RNF144B: variants seen among roughly 807,000 people sequenced by gnomAD.
RNF144B encodes the protein ring finger protein 144B, also known as E3 ubiquitin-protein ligase RNF144B.
Under a neutral mutation model 40.2 loss-of-function variants are expected in RNF144B, and 25 were observed. That is an observed-to-expected ratio of 0.62 (90% CI 0.45 to 0.87). The LOEUF (loss-of-function observed/expected upper bound fraction) is 0.87. Ranked by LOEUF, RNF144B falls within the 40% of genes least tolerant of loss-of-function variation. The pLI is 0.00. For missense variants in RNF144B, 365 were observed against 373.7 expected (o/e 0.98, Z 0.19); for synonymous variants, 145 against 136.3 (o/e 1.06, Z -0.44).
chr6:18,405,985 A>C lies in RNF144B; in HGVS notation c.165+6286A>C, dbSNP rs1421896770. On this transcript the variant is annotated intron_variant, in intron 2 of 7. Transcript: ENST00000259939. This position sits in a 1 kb window ranked among gnomAD's most constrained non-coding sequence, Gnocchi z 4.5. ...CCCCACCCTCCTAATGAAAGAAGTC[A>C]TTTTCTGGGATGCCAGTATGGTTTG... 2.0e-6 allele frequency: 1 copy of C among 509,298 alleles called. No individual in the cohort carries two copies. Among genetic ancestry groups the C allele is most frequent in the African/African-American group, 1.9e-5 (1 of 51,490 alleles). The allele number at this position is 509,298 out of a possible 1,614,324, so 31.5% of individuals were successfully genotyped here. A position where few individuals can be genotyped will look rare whatever the true frequency, so the allele number is the denominator to read the frequency against.
Position 18,457,143 on chromosome 6 carries a change from T to C in RNF144B, c.332-12T>C. The C allele has an allele frequency of 6.2e-7, 1 of 1,603,066 alleles. No homozygotes were observed. The highest frequency in any genetic ancestry group is 8.5e-7 in the Non-Finnish European group (1 of 1,170,924). ...CGGGCAGACCATCACATTTTCTTTC[T>C]TTACACTTTAGAAGTTCATCTGGAC... On this transcript the variant is annotated splice_polypyrimidine_tract_variant and intron_variant, in intron 4 of 7. Transcript: ENST00000259939. This position sits in a 1 kb window ranked among gnomAD's most constrained non-coding sequence, Gnocchi z 5.1.
At position 18,410,102 on chromosome 6, in the gene RNF144B, C is replaced by T. The variant is rs762709338; in HGVS notation, c.165+10403C>T. 2.0e-5 allele frequency among the ~76,000 whole-genome samples: 3 copies of T among 152,178 alleles called. No homozygotes were observed. Among genetic ancestry groups the T allele is most frequent in the Non-Finnish European group, 1.5e-5 (1 of 68,046 alleles). On this transcript the variant is annotated intron_variant, in intron 2 of 7. Coordinates refer to ENST00000259939, the MANE Select transcript of RNF144B (RefSeq NM_182757.4). The surrounding 1 kb of genome is among the most constrained non-coding windows in gnomAD (Gnocchi z 4.6). Reference sequence around the variant, plus strand: ...CACATATCAGAATGTAATAGGCTGGCCAAACATGCAAATCATGACCAGAGA... The same window carrying T: ...CACATATCAGAATGTAATAGGCTGGTCAAACATGCAAATCATGACCAGAGA...
intron 2 of RNF144B, among the ~76,000 whole-genome samples, chr6:18,403,741 A>G (rs1472067656): frequency 6.6e-6 from 1 of 152,162 alleles, no homozygotes; most frequent in Admixed American, 6.5e-5. Flanking sequence ...AAAGAGGTTT[A>G]TTTAGCTCAC....
At chr6:18,409,467 C>T (rs1290121948) in intron 2 of RNF144B, among the ~76,000 whole-genome samples, 2 of 147,538 alleles carry the variant, frequency 1.4e-5, no homozygotes, top group African/African-American at 5.0e-5. Context: ...ATCTTACCTT[C>T]TTGCCATAGG....
rs1425062617 is a variant in RNF144B at position 18,422,477 on chromosome 6, G to A, written c.166-5104G>A. ...CAAAACAGGTACTCAAGACCTGTCTGGGCTTTGGCCTTTGGGCACATTCCC... is the reference window on the plus strand; with the variant it reads ...CAAAACAGGTACTCAAGACCTGTCTAGGCTTTGGCCTTTGGGCACATTCCC... On this transcript the variant is annotated intron_variant, in intron 2 of 7. Transcript: ENST00000259939. The surrounding 1 kb of genome is among the most constrained non-coding windows in gnomAD (Gnocchi z 4.7). Among the ~76,000 whole-genome samples, 1 of 152,148 alleles carries A rather than the reference G, an allele frequency of 6.6e-6. No individual in the cohort carries two copies.
intron 4 of RNF144B, among the ~76,000 whole-genome samples, chr6:18,452,003 C>G (rs1408672607): frequency 1.3e-5 from 2 of 152,084 alleles, no homozygotes; most frequent in East Asian, 3.9e-4. Flanking sequence ...GAAATCATAA[C>G]ATACTTTCAA....
Position 18,412,117 on chromosome 6 carries a change from A to G in RNF144B, c.165+12418A>G, listed in dbSNP as rs1289046457. Among the ~76,000 whole-genome samples, 2 of 152,220 alleles carry G rather than the reference A, an allele frequency of 1.3e-5. No homozygotes were observed. Among genetic ancestry groups the G allele is most frequent in the Non-Finnish European group, 2.9e-5 (2 of 68,050 alleles). ...ACCTGTCCTTAGGATAACTTTTTAG[A>G]AATAGAATTGCCTAACCAAAATAGA... On this transcript the variant is annotated intron_variant, in intron 2 of 7. Transcript: ENST00000259939. The surrounding 1 kb of genome is among the most constrained non-coding windows in gnomAD (Gnocchi z 4.2).
rs1466136111 is a variant in RNF144B at position 18,425,842 on chromosome 6, AT to A, written c.166-1736del. 1.3e-5 allele frequency among the ~76,000 whole-genome samples: 2 copies of A among 152,114 alleles called. No individual in the cohort carries two copies. The highest frequency in any genetic ancestry group is 6.6e-5 in the Admixed American group (1 of 15,252). ...TTTATTTCAGTGTTCTATTTTGGGT[AT>A]TTAGGTTATTTTCTAGTTTTTGCTG... On this transcript the variant is annotated intron_variant, in intron 2 of 7. Coordinates refer to ENST00000259939, the MANE Select transcript of RNF144B (RefSeq NM_182757.4). The surrounding 1 kb of genome is among the most constrained non-coding windows in gnomAD (Gnocchi z 4.2).
In RNF144B at chr6:18,441,744, A is replaced by T. The variant is rs1446134724; in HGVS notation, c.331+2000A>T. Among the ~76,000 whole-genome samples, 2 of 152,122 alleles carry T rather than the reference A, an allele frequency of 1.3e-5. No individual in the cohort carries two copies. The highest frequency in any genetic ancestry group is 2.9e-5 in the Non-Finnish European group (2 of 68,028). On this transcript the variant is annotated intron_variant, in intron 4 of 7. Coordinates refer to ENST00000259939, the MANE Select transcript of RNF144B (RefSeq NM_182757.4). The surrounding 1 kb of genome is among the most constrained non-coding windows in gnomAD (Gnocchi z 4.9). ...CTGTGTGACCATGGCAAGGTCCTTAATATTTCTGCATCTCAACTTCCTCAT... is the reference window on the plus strand; with the variant it reads ...CTGTGTGACCATGGCAAGGTCCTTATTATTTCTGCATCTCAACTTCCTCAT...
chr6:18,396,024 G>A (rs540356284), intron 1 of RNF144B, among the ~76,000 whole-genome samples: 28 of 152,064 alleles, frequency 1.8e-4, no homozygotes, highest in African/African-American at 6.5e-4. Flanking sequence ...TGGAATGCTT[G>A]GAATTTTTTA....
At chr6:18,399,369 C>T (rs964874023) in intron 1 of RNF144B, 130 bp from the exon 2 acceptor site, 2 of 663,044 alleles carry the variant, frequency 3.0e-6, no homozygotes, top group Non-Finnish European at 5.0e-6. Context: ...CCGTCGTTCC[C>T]AGAAATGCAT....
chr6:18,426,399 A>G (rs376772498), intron 2 of RNF144B, among the ~76,000 whole-genome samples: 2 of 152,204 alleles, frequency 1.3e-5, no homozygotes, highest in African/African-American at 2.4e-5. Flanking sequence ...TGAAGAACCA[A>G]TTACTTAGAG....
At chr6:18,396,289 G>T (rs1206270666) in intron 1 of RNF144B, 3 of 609,792 alleles carry the variant, frequency 4.9e-6, no homozygotes, top group African/African-American at 2.0e-5. Flanking sequence ...GATAATAATT[G>T]AGGTATTATT....
At chr6:18,427,522 T>G in intron 2 of RNF144B, 59 bp from the exon 3 acceptor site, 1 of 1,182,388 alleles carries the variant, frequency 8.5e-7, no homozygotes, top group Non-Finnish European at 1.2e-6. Flanking sequence ...GGTTCTGTTA[T>G]GTAACCTTTC....
chr6:18,463,288 C>G lies in RNF144B; in HGVS notation c.682-3C>G. 1 of 1,572,454 alleles carries G rather than the reference C, an allele frequency of 6.4e-7. No individual in the cohort carries two copies. The highest frequency in any genetic ancestry group is 8.8e-7 in the Non-Finnish European group (1 of 1,142,204). ...TACTGAAATCAATCTTTTTATTTTT[C>G]AGAATGACATTTTCCTCAGACATTA... On this transcript the variant is annotated splice_polypyrimidine_tract_variant and splice_region_variant and intron_variant, in intron 6 of 7. Coordinates refer to ENST00000259939, the MANE Select transcript of RNF144B (RefSeq NM_182757.4).
Position 18,402,124 on chromosome 6 carries a change from AG to A in RNF144B, c.165+2427del, listed in dbSNP as rs369322758. 1.6e-4 allele frequency: 14 copies of A among 87,562 alleles called. 7 individuals are homozygous for A. Among genetic ancestry groups the A allele is most frequent in the South Asian group, 8.6e-4 (2 of 2,336 alleles). The allele number at this position is 87,562 out of a possible 1,614,324, so 5.4% of individuals were successfully genotyped here. On this transcript the variant is annotated intron_variant, in intron 2 of 7. Coordinates refer to ENST00000259939, the MANE Select transcript of RNF144B (RefSeq NM_182757.4). ...CTGTCATTGTCCTGTCTTCTGTAAG[AG>A]GCATCCCTGGCCATTTTGCTGTGAG...
At chr6:18,431,312 G>A (rs1374105795) in intron 3 of RNF144B, among the ~76,000 whole-genome samples, 1 of 152,182 alleles carries the variant, frequency 6.6e-6, no homozygotes, top group Non-Finnish European at 1.5e-5. Flanking sequence ...ATACGTGGTA[G>A]TGGTAATTGA....
At chr6:18,390,215 T>C (rs983092336) in intron 1 of RNF144B, among the ~76,000 whole-genome samples, 3 of 152,250 alleles carry the variant, frequency 2.0e-5, no homozygotes, top group African/African-American at 7.2e-5. Context: ...ACCTTGACCA[T>C]TTGACCATTA....
rs1354057065 is a variant in RNF144B at position 18,406,823 on chromosome 6, G to C, written c.165+7124G>C. ...GATTGTATTAGTCTGTTTTCACACT[G>C]CTATAAAGAATACCTGAGATCTATA... On this transcript the variant is annotated intron_variant, in intron 2 of 7. Transcript: ENST00000259939. This position sits in a 1 kb window ranked among gnomAD's most constrained non-coding sequence, Gnocchi z 4.2. Among the ~76,000 whole-genome samples, 1 of 152,040 alleles carries C rather than the reference G, an allele frequency of 6.6e-6. No homozygotes were observed. Among genetic ancestry groups the C allele is most frequent in the Non-Finnish European group, 1.5e-5 (1 of 68,018 alleles).
Sources: allele counts gnomAD v4.1 joint callset (sites outside exome capture counted in the v4.1 genomes callset), GRCh38; gene constraint gnomAD v4.1.1; non-coding constraint Gnocchi (gnomAD v3.1); transcripts MANE v1.5; gene names NCBI Gene and HGNC (gene_info 2026-07-23, HGNC 2026-07-21).